RNGTT: variants seen among roughly 807,000 people sequenced by gnomAD.
RNGTT encodes the protein RNA guanylyltransferase and 5'-phosphatase.
RNGTT carries 33 observed loss-of-function variants against 79.3 expected under a neutral mutation model. The observed-to-expected ratio is 0.42, with a 90% CI of 0.32 to 0.56. RNGTT has a LOEUF of 0.56. RNGTT is among the 20% of genes least tolerant of loss of function. The probability of loss-of-function intolerance (pLI) is 0.17; values close to 1 mark genes in which losing one functional copy is unlikely to be tolerated. For missense variants in RNGTT, 497 were observed against 739.1 expected, an observed-to-expected ratio of 0.67 and a Z score of 3.80; for synonymous variants, 222 against 235.9, an observed-to-expected ratio of 0.94 and a Z score of 0.54.
intron 1 of RNGTT, among the ~76,000 whole-genome samples, chr6:88,953,021 A>T (rs959382882): frequency 6.6e-6 from 1 of 152,248 alleles, no homozygotes; most frequent in Admixed American, 6.5e-5. Flanking sequence ...TCAAACGAGA[A>T]GGAACCAGAA....
chr6:88,940,657 G>A (rs910204050), intron 2 of RNGTT, among the ~76,000 whole-genome samples: 79 of 152,116 alleles, frequency 5.2e-4, no homozygotes, highest in African/African-American at 1.8e-3. Flanking sequence ...CTACTCTGGC[G>A]AGTACAGGGA....
chr6:88,778,070 T>G (rs1410807338), intron 12 of RNGTT, among the ~76,000 whole-genome samples: 1 of 152,226 alleles, frequency 6.6e-6, no homozygotes, highest in Admixed American at 6.5e-5. Flanking sequence ...GCTTTTATTC[T>G]GTTACTGTGG....
chr6:88,702,270 A>G (rs1775973364), intron 13 of RNGTT, among the ~76,000 whole-genome samples: 1 of 152,198 alleles, frequency 6.6e-6, no homozygotes, highest in South Asian at 2.1e-4. Context: ...ATCCTAGGCA[A>G]AAGAACAAAG....
At chr6:88,767,672 T>G (rs1437579743) in intron 13 of RNGTT, among the ~76,000 whole-genome samples, 2 of 116,572 alleles carry the variant, frequency 1.7e-5, no homozygotes, top group Admixed American at 1.0e-4. Context: ...CTATATTCAC[T>G]TGTGTCAAAA....
chr6:88,896,496 G>C (rs1783253218), intron 6 of RNGTT, among the ~76,000 whole-genome samples: 1 of 152,198 alleles, frequency 6.6e-6, no homozygotes, highest in Admixed American at 6.5e-5. Context: ...GAATCAGGAA[G>C]AGCCAATCTT....
intron 8 of RNGTT, among the ~76,000 whole-genome samples, chr6:88,858,527 C>T (rs972739715): frequency 1.3e-5 from 2 of 152,148 alleles, no homozygotes; most frequent in Non-Finnish European, 2.9e-5. Flanking sequence ...CAACAGGTTA[C>T]ACTTACTGAG....
intron 4 of RNGTT, among the ~76,000 whole-genome samples, chr6:88,926,602 C>T (rs1055786751): frequency 1.3e-5 from 2 of 151,904 alleles, no homozygotes; most frequent in Admixed American, 6.6e-5. Context: ...AGTAAAAATT[C>T]CTTGGTGTTT....
chr6:88,916,959 A>G (rs992292015), intron 4 of RNGTT, among the ~76,000 whole-genome samples: 2 of 152,212 alleles, frequency 1.3e-5, no homozygotes, highest in Non-Finnish European at 2.9e-5. Context: ...TACTTGTTCT[A>G]CTTAACCCTT....
intron 14 of RNGTT, among the ~76,000 whole-genome samples, chr6:88,664,126 A>G (rs941927278): frequency 1.3e-5 from 2 of 152,164 alleles, no homozygotes; most frequent in Non-Finnish European, 2.9e-5. Context: ...CTGACCCTTA[A>G]TAGGATCCAA....
In RNGTT at chr6:88,628,421, C is replaced by T. The variant is rs551776761; in HGVS notation, c.1507-14026G>A. On this transcript the variant is annotated intron_variant, in intron 14 of 15. Transcript: ENST00000369485. ...ATATTCAAGTACTAAAGTGCCCTCC[C>T]CAATTATCTGTATTAATTGGTGTGT... Among the ~76,000 whole-genome samples, 4 of 152,094 alleles carry T rather than the reference C, an allele frequency of 2.6e-5. No individual in the cohort carries two copies. The South Asian group carries it at 6.2e-4, about 24-fold the overall frequency.
At chr6:88,888,860 T>C (rs9362582) in intron 8 of RNGTT, among the ~76,000 whole-genome samples, 6,236 of 152,108 alleles carry the variant, frequency 0.041, 189 homozygotes, top group African/African-American at 0.076. Context: ...AGAAACCCTG[T>C]CTCTACTAAA....
chr6:88,663,404 G>A (rs1774263362), intron 14 of RNGTT, among the ~76,000 whole-genome samples: 1 of 152,158 alleles, frequency 6.6e-6, no homozygotes, highest in Non-Finnish European at 1.5e-5. Flanking sequence ...GATAAATCAG[G>A]ACACCCAGAC....
At chr6:88,640,607 G>C (rs1051538503) in intron 14 of RNGTT, among the ~76,000 whole-genome samples, 2 of 151,466 alleles carry the variant, frequency 1.3e-5, no homozygotes, top group East Asian at 3.9e-4. Flanking sequence ...GATCTGAGGT[G>C]ATGTTGAAAT....
At chr6:88,732,491 G>C (rs1184174365) in intron 13 of RNGTT, among the ~76,000 whole-genome samples, 1 of 152,182 alleles carries the variant, frequency 6.6e-6, no homozygotes. Context: ...TTATGATCCA[G>C]ATTCCACTTC....
chr6:88,656,754 T>C (rs2127780169), intron 14 of RNGTT, among the ~76,000 whole-genome samples: 1 of 150,152 alleles, frequency 6.7e-6, no homozygotes, highest in Middle Eastern at 3.4e-3. Context: ...ACCTTCCCCA[T>C]GACTTACTGA....
intron 6 of RNGTT, among the ~76,000 whole-genome samples, chr6:88,894,602 A>C (rs527437260): frequency 6.6e-5 from 10 of 152,324 alleles, no homozygotes; most frequent in African/African-American, 2.4e-4. Context: ...ATGTACACAC[A>C]GACCAGTACA....
intron 14 of RNGTT, among the ~76,000 whole-genome samples, chr6:88,676,048 G>A (rs1774863164): frequency 6.6e-6 from 1 of 151,992 alleles, no homozygotes. Context: ...TATAGAAACT[G>A]ACAAGATGAT....
chr6:88,761,463 C>T (rs1378075984), intron 13 of RNGTT, among the ~76,000 whole-genome samples: 1 of 152,006 alleles, frequency 6.6e-6, no homozygotes, highest in African/African-American at 2.4e-5. Context: ...TGCACTCCAG[C>T]CTGGGCAACA....
At position 88,904,951 on chromosome 6, in the gene RNGTT, C is replaced by T. The variant is rs1327581811; in HGVS notation, c.448G>A (p.Glu150Lys). 3.1e-6 allele frequency: 5 copies of T among 1,613,786 alleles called. No homozygotes were observed. Among genetic ancestry groups the T allele is most frequent in the African/African-American group, 2.7e-5 (2 of 74,922 alleles). The change falls in exon 6 of 16, where the codon GAA becomes AAA. Residue 150 changes from glutamate (E) to lysine (K), a missense_variant. Physicochemically the swap from Glu to Lys is moderately conservative, Grantham distance 56. Transcript: ENST00000369485. ...FLVEKMDWSI[E>K]AAVATFAQAR... ...TGGGCAAAAGTAGCAACTGCTGCTTCGATACTATAGGAAACAAACACCATG... is the reference window on the plus strand; with the variant it reads ...TGGGCAAAAGTAGCAACTGCTGCTTTGATACTATAGGAAACAAACACCATG...
Sources: allele counts gnomAD v4.1 joint callset (sites outside exome capture counted in the v4.1 genomes callset), GRCh38; gene constraint gnomAD v4.1.1; transcripts MANE v1.5; gene names NCBI Gene and HGNC (gene_info 2026-07-23, HGNC 2026-07-21).